The following BARD1 variants were observed in gnomAD, a reference collection of about 807,000 sequenced individuals.
BARD1 encodes BRCA1 associated RING domain 1.
BARD1 carries 73 observed loss-of-function variants against 77.0 expected under a neutral mutation model. That is an observed-to-expected ratio of 0.95 (90% CI 0.79 to 1.15). BARD1 has a LOEUF of 1.15. Among genes scored for constraint, BARD1 ranks in the 50% most tolerant of loss-of-function variants. The pLI, the probability that BARD1 is intolerant of heterozygous loss-of-function variation, is 0.00. For synonymous variants in BARD1, 384 were observed against 338.0 expected (o/e 1.14, Z -1.49); for missense variants, 993 against 938.8 (o/e 1.06, Z -0.75).
In BARD1 at chr2:214,745,134, A is replaced by G. The variant is rs1375291069; in HGVS notation, c.1836T>C (p.Asp612=). The change falls in exon 9 of 11, where the codon GAT becomes GAC. Residue 612 remains aspartate, a synonymous_variant. Transcript: ENST00000260947. Reference sequence around the variant, plus strand: ...TACACTTCAAGGTACTTTGAACTGCATCACCAGGAACAACAACATGAGTTA... The same window carrying G: ...TACACTTCAAGGTACTTTGAACTGCGTCACCAGGAACAACAACATGAGTTA... The part of the protein sequence containing the change: ...STVTHVVVPG[D]AVQSTLKCML... 5 of 1,614,082 alleles carry G rather than the reference A, an allele frequency of 3.1e-6. No homozygotes were observed. The highest frequency in any genetic ancestry group is 4.2e-6 in the Non-Finnish European group (5 of 1,179,936).
chr2:214,763,951 G>C (rs1029938480), intron 6 of BARD1, among the ~76,000 whole-genome samples: 1 of 152,148 alleles, frequency 6.6e-6, no homozygotes, highest in African/African-American at 2.4e-5. Flanking sequence ...AGAACATTGA[G>C]ACAGCATGCA....
intron 3 of BARD1, among the ~76,000 whole-genome samples, chr2:214,785,381 T>C (rs1049376471): frequency 6.6e-6 from 1 of 151,964 alleles, no homozygotes; most frequent in African/African-American, 2.4e-5. Context: ...AAAAAAAAAT[T>C]GCCTTAAAAT....
intron 3 of BARD1, among the ~76,000 whole-genome samples, chr2:214,787,625 C>T (rs753051902): frequency 1.3e-5 from 2 of 151,916 alleles, no homozygotes; most frequent in Non-Finnish European, 2.9e-5. Flanking sequence ...TTCCTCTGCA[C>T]AGAAAATTCC....
rs776103948 is a variant in BARD1 at position 214,781,516 on chromosome 2, GA to G, written c.365-8del. 258 of 1,596,964 alleles carry G rather than the reference GA, an allele frequency of 1.6e-4. No individual in the cohort carries two copies. The highest frequency in any genetic ancestry group is 2.1e-4 in the Non-Finnish European group (248 of 1,170,822). ...GGTTTATCTTCTTTCAAATCTGACA[GA>G]AAAAAAGAAAAAGAAATCTGTTACA... On this transcript the variant is annotated splice_region_variant and splice_polypyrimidine_tract_variant and intron_variant, in intron 3 of 10. Coordinates refer to ENST00000260947, the MANE Select transcript of BARD1 (RefSeq NM_000465.4).
At chr2:214,737,547 G>A (rs567456971) in intron 9 of BARD1, among the ~76,000 whole-genome samples, 4 of 152,060 alleles carry the variant, frequency 2.6e-5, no homozygotes, top group Non-Finnish European at 5.9e-5. Context: ...GACCTACTCC[G>A]GAGACAATAC....
intron 7 of BARD1, among the ~76,000 whole-genome samples, chr2:214,747,213 T>C (rs372709959): frequency 1.2e-4 from 18 of 151,934 alleles, no homozygotes; most frequent in Admixed American, 2.0e-4. Context: ...ACAACAGGTG[T>C]TGGAGAGGAT....
chr2:214,764,257 T>C (rs1559406345), intron 6 of BARD1, among the ~76,000 whole-genome samples: 7 of 152,146 alleles, frequency 4.6e-5, no homozygotes, highest in Admixed American at 3.9e-4. Context: ...GGATACAGAC[T>C]ACATTAGGCA....
At chr2:214,794,051 A>C (rs1457626001) in intron 2 of BARD1, among the ~76,000 whole-genome samples, 2 of 152,142 alleles carry the variant, frequency 1.3e-5, no homozygotes, top group Non-Finnish European at 2.9e-5. Context: ...CAGGAGTTCA[A>C]GACCATCATG....
intron 7 of BARD1, 67 bp downstream of exon 7, chr2:214,752,380 A>C: frequency 7.3e-7 from 1 of 1,377,840 alleles, no homozygotes; most frequent in Non-Finnish European, 1.0e-6. Context: ...AAATTTTTCT[A>C]TTATGTTCCT....
At chr2:214,756,415 A>G (rs1198295421) in intron 6 of BARD1, among the ~76,000 whole-genome samples, 1 of 152,244 alleles carries the variant, frequency 6.6e-6, no homozygotes, top group Non-Finnish European at 1.5e-5. Context: ...TATGGAAAAC[A>G]GTGGAGATTC....
intron 1 of BARD1, among the ~76,000 whole-genome samples, chr2:214,801,729 CAATT>C (rs1210323868): frequency 6.7e-6 from 1 of 149,882 alleles, no homozygotes; most frequent in African/African-American, 2.5e-5. Flanking sequence ...ATAATCTGGC[CAATT>C]AATTACATAA....
chr2:214,753,651 A>G (rs1574758958), intron 6 of BARD1, among the ~76,000 whole-genome samples: 1 of 152,174 alleles, frequency 6.6e-6, no homozygotes, highest in South Asian at 2.1e-4. Context: ...TTGATGCTGC[A>G]GAGAGAGATC....
intron 3 of BARD1, among the ~76,000 whole-genome samples, chr2:214,784,088 G>A (rs147584244): frequency 0.053 from 8,026 of 152,230 alleles, 232 homozygotes; most frequent in Admixed American, 0.083. Flanking sequence ...TCATCAGAGT[G>A]AAGAGGCAAC....
intron 4 of BARD1, among the ~76,000 whole-genome samples, chr2:214,772,828 T>C (rs1046994755): frequency 6.6e-6 from 1 of 152,222 alleles, no homozygotes; most frequent in Admixed American, 6.5e-5. Flanking sequence ...GTAACTGGAA[T>C]AGCTTGAACT....
At chr2:214,754,681 T>C (rs1319360652) in intron 6 of BARD1, among the ~76,000 whole-genome samples, 2 of 152,170 alleles carry the variant, frequency 1.3e-5, no homozygotes, top group African/African-American at 4.8e-5. Flanking sequence ...ATCCTTACTA[T>C]ACAAAGCTTA....
intron 2 of BARD1, among the ~76,000 whole-genome samples, chr2:214,793,542 T>C (rs1695624250): frequency 6.6e-6 from 1 of 152,166 alleles, no homozygotes; most frequent in Non-Finnish European, 1.5e-5. Context: ...ACTCATGCAA[T>C]TTAAATCATT....
intron 2 of BARD1, chr2:214,796,728 T>C (rs552726552): frequency 3.3e-6 from 1 of 306,774 alleles, no homozygotes; most frequent in South Asian, 3.6e-5. Flanking sequence ...ACCTATACTT[T>C]CACAATTTTG....
chr2:214,788,659 T>A (rs1033798422), intron 3 of BARD1, among the ~76,000 whole-genome samples: 2 of 152,082 alleles, frequency 1.3e-5, no homozygotes, highest in African/African-American at 4.8e-5. Context: ...ATTCATCATC[T>A]TCTACACATG....
intron 9 of BARD1, among the ~76,000 whole-genome samples, chr2:214,734,831 T>C (rs776127417): frequency 1.3e-5 from 2 of 152,224 alleles, no homozygotes; most frequent in Non-Finnish European, 2.9e-5. Flanking sequence ...TCAAAATTAC[T>C]GTGATAACAG....
Sources: allele counts gnomAD v4.1 joint callset (sites outside exome capture counted in the v4.1 genomes callset), GRCh38; gene constraint gnomAD v4.1.1; transcripts MANE v1.5; gene names NCBI Gene and HGNC (gene_info 2026-07-23, HGNC 2026-07-21).